SYN3: variants seen among roughly 807,000 people sequenced by gnomAD.
The protein encoded by SYN3 is synapsin-3.
Under a neutral mutation model 65.8 loss-of-function variants are expected in SYN3, and 35 were observed. The ratio of observed to expected loss-of-function variants is 0.53; its 90% CI spans 0.41 to 0.70. The LOEUF (loss-of-function observed/expected upper bound fraction) is 0.70. Ranked by LOEUF, SYN3 falls within the 30% of genes least tolerant of loss-of-function variation. The pLI is 0.00. For missense variants in SYN3, 680 were observed against 749.0 expected (o/e 0.91, Z 1.08); for synonymous variants, 270 against 292.9 (o/e 0.92, Z 0.80).
intron 6 of SYN3, among the ~76,000 whole-genome samples, chr22:32,675,603 C>T (rs893292062): frequency 3.3e-5 from 5 of 152,078 alleles, no homozygotes; most frequent in African/African-American, 1.2e-4. Context: ...TCTCTTTCAC[C>T]CAAGGGTACC....
intron 6 of SYN3, among the ~76,000 whole-genome samples, chr22:32,742,567 A>T (rs1464599252): frequency 6.6e-6 from 1 of 152,180 alleles, no homozygotes; most frequent in African/African-American, 2.4e-5. Flanking sequence ...AGGCACAGAC[A>T]TGTTCTTTCT....
chr22:32,880,880 C>T (rs891885819), intron 4 of SYN3, among the ~76,000 whole-genome samples: 2 of 152,364 alleles, frequency 1.3e-5, no homozygotes, highest in Non-Finnish European at 1.5e-5. Flanking sequence ...CCCCAGCACC[C>T]AGCATGGCAA....
intron 6 of SYN3, among the ~76,000 whole-genome samples, chr22:32,676,160 A>C (rs130745): frequency 0.23 from 34,332 of 152,210 alleles, 5,025 homozygotes; most frequent in Middle Eastern, 0.33. Flanking sequence ...ATATTGAAAG[A>C]AATACTGTCT....
chr22:33,028,674 T>TGGTGGTGGC (rs2053686759), intron 1 of SYN3, among the ~76,000 whole-genome samples: 1 of 79,510 alleles, frequency 1.3e-5, no homozygotes, highest in African/African-American at 5.4e-5. Flanking sequence ...GTGGTGGTGG[T>TGGTGGTGGC]GGTGGTGGTG....
intron 4 of SYN3, among the ~76,000 whole-genome samples, chr22:32,908,385 CTTTTTT>C (rs10719402): frequency 8.6e-6 from 1 of 116,632 alleles, no homozygotes; most frequent in Admixed American, 9.1e-5. Context: ...CACGCCTAGC[CTTTTTT>C]TTTTTTTTTT....
At chr22:32,683,195 C>T (rs2060546452) in intron 6 of SYN3, among the ~76,000 whole-genome samples, 1 of 152,026 alleles carries the variant, frequency 6.6e-6, no homozygotes. Flanking sequence ...AATTCATGAC[C>T]ATATCAATGG....
intron 6 of SYN3, among the ~76,000 whole-genome samples, chr22:32,823,548 T>C (rs2047315093): frequency 6.6e-6 from 1 of 151,898 alleles, no homozygotes; most frequent in Non-Finnish European, 1.5e-5. Context: ...AGGGTGGTGG[T>C]CTGGGATTGG....
intron 1 of SYN3, among the ~76,000 whole-genome samples, chr22:33,042,730 C>T (rs997164780): frequency 4.6e-5 from 7 of 152,118 alleles, no homozygotes; most frequent in Non-Finnish European, 7.4e-5. Context: ...TGGAGCCCCC[C>T]GCCACCCAAT....
intron 7 of SYN3, among the ~76,000 whole-genome samples, chr22:32,588,885 G>A (rs1219051227): frequency 2.6e-5 from 4 of 152,144 alleles, no homozygotes; most frequent in Non-Finnish European, 4.4e-5. Flanking sequence ...AGAGGCAAAA[G>A]CACCTCTCCA....
intron 10 of SYN3, among the ~76,000 whole-genome samples, chr22:32,529,527 G>A (rs1817103002): frequency 6.6e-6 from 1 of 152,216 alleles, no homozygotes; most frequent in South Asian, 2.1e-4. Flanking sequence ...ACACAGGCGG[G>A]AGGGAAAAGC....
chr22:33,049,967 C>A (rs780217296), intron 1 of SYN3, among the ~76,000 whole-genome samples: 18 of 152,016 alleles, frequency 1.2e-4, no homozygotes, highest in Non-Finnish European at 2.1e-4. Context: ...TGGAAAGGGG[C>A]CTGGAGGTGA....
chr22:32,948,435 C>T (rs1234569885), intron 3 of SYN3, among the ~76,000 whole-genome samples: 1 of 152,046 alleles, frequency 6.6e-6, no homozygotes. Context: ...TTGGAATCAT[C>T]CATTAAGAAA....
chr22:32,788,044 G>A (rs2046236253), intron 6 of SYN3, among the ~76,000 whole-genome samples: 1 of 152,146 alleles, frequency 6.6e-6, no homozygotes, highest in Non-Finnish European at 1.5e-5. Flanking sequence ...GAAGGCCAAG[G>A]CATTTAGACT....
At chr22:32,564,708 A>AGAGTG (rs1453230527) in intron 7 of SYN3, among the ~76,000 whole-genome samples, 1 of 150,924 alleles carries the variant, frequency 6.6e-6, no homozygotes, top group African/African-American at 2.4e-5. Flanking sequence ...CTGCACCCAA[A>AGAGTG]CAGTGCTCCC....
chr22:32,709,411 A>C (rs1463636132), intron 6 of SYN3, among the ~76,000 whole-genome samples: 1 of 152,220 alleles, frequency 6.6e-6, no homozygotes, highest in Non-Finnish European at 1.5e-5. Context: ...TTTAAACAAA[A>C]CCAAACCCAA....
In SYN3 at chr22:32,701,089, C is replaced by T. The variant is rs576513290; in HGVS notation, c.712-104353G>A. Among the ~76,000 whole-genome samples, 4 of 152,362 alleles carry T rather than the reference C, an allele frequency of 2.6e-5. No homozygotes were observed. In the East Asian group the frequency reaches 7.7e-4, roughly 29 times the overall value. ...AAAGCAAGTCAACATGATCACTTTT[C>T]TCAACAGACTCAGAATTAGCCTTCT... On this transcript the variant is annotated intron_variant, in intron 6 of 13. Coordinates refer to ENST00000358763, the MANE Select transcript of SYN3 (RefSeq NM_003490.4).
In SYN3 at chr22:32,839,184, C is replaced by T. The variant is rs534794932; in HGVS notation, c.711+25731G>A. 2.0e-5 allele frequency among the ~76,000 whole-genome samples: 3 copies of T among 152,060 alleles called. No homozygotes were observed. The East Asian group carries it at 5.8e-4, about 30-fold the overall frequency. On this transcript the variant is annotated intron_variant, in intron 6 of 13. Coordinates refer to ENST00000358763, the MANE Select transcript of SYN3 (RefSeq NM_003490.4). Reference sequence around the variant, plus strand: ...AGTGATAGGGTTTGAGGTATGGTCCCAGCTCTGAAGAGCCATATATATGCC... The same window carrying T: ...AGTGATAGGGTTTGAGGTATGGTCCTAGCTCTGAAGAGCCATATATATGCC...
chr22:32,812,087 C>T (rs895028891), intron 6 of SYN3, among the ~76,000 whole-genome samples: 13 of 152,118 alleles, frequency 8.5e-5, no homozygotes, highest in African/African-American at 3.1e-4. Context: ...GTGATACTGA[C>T]CTCCCTGGGT....
intron 7 of SYN3, among the ~76,000 whole-genome samples, chr22:32,555,300 C>G (rs553085341): frequency 1.3e-5 from 2 of 152,290 alleles, no homozygotes; most frequent in Admixed American, 1.3e-4. Context: ...CCCATCTCCC[C>G]TGAGAGAGGA....
Sources: allele counts gnomAD v4.1 joint callset (sites outside exome capture counted in the v4.1 genomes callset), GRCh38; gene constraint gnomAD v4.1.1; transcripts MANE v1.5; gene names NCBI Gene and HGNC (gene_info 2026-07-23, HGNC 2026-07-21).